CRB2: variants seen among roughly 807,000 people sequenced by gnomAD.
CRB2 encodes the protein protein crumbs homolog 2.
CRB2 carries 85 observed loss-of-function variants against 110.9 expected under a neutral mutation model. That is an observed-to-expected ratio of 0.77 (90% CI 0.64 to 0.92). The LOEUF is 0.92. CRB2 is among the 40% of genes least tolerant of loss of function. The probability of loss-of-function intolerance (pLI) is 0.00; values close to 1 mark genes in which losing one functional copy is unlikely to be tolerated. For synonymous variants in CRB2, 907 were observed against 831.0 expected, an observed-to-expected ratio of 1.09 and a Z score of -1.57; for missense variants, 1,843 against 1,851.3, an observed-to-expected ratio of 1.00 and a Z score of 0.08.
intron 8 of CRB2, 53 bp from the exon 9 acceptor site, chr9:123,372,124 T>C: frequency 3.2e-6 from 5 of 1,571,734 alleles, no homozygotes; most frequent in Non-Finnish European, 4.4e-6. Flanking sequence ...CCAGTTATGG[T>C]GGGTGATGCT....
chr9:123,370,034 G>C, intron 6 of CRB2, 74 bp from the exon 7 acceptor site: 3 of 1,486,158 alleles, frequency 2.0e-6, no homozygotes. Context: ...ATCATAAGAG[G>C]CATGTAAGTT....
At chr9:123,365,373 C>G (rs2041916717) in intron 2 of CRB2, among the ~76,000 whole-genome samples, 1 of 152,140 alleles carries the variant, frequency 6.6e-6, no homozygotes, top group South Asian at 2.1e-4. Flanking sequence ...TACCTGGTCC[C>G]CAAGGCACTG....
intron 1 of CRB2, among the ~76,000 whole-genome samples, chr9:123,362,249 G>A (rs1409926263): frequency 1.3e-5 from 2 of 152,098 alleles, no homozygotes; most frequent in South Asian, 2.1e-4. Flanking sequence ...GGTTGAGGTC[G>A]GGCCCATCTC....
chr9:123,359,430 GTTTTTGT>G lies in CRB2; in HGVS notation c.94+3080_94+3086del, dbSNP rs1357193721. Among the ~76,000 whole-genome samples, 797 of 97,056 alleles carry G rather than the reference GTTTTTGT, an allele frequency of 8.2e-3. 7 individuals carry two copies. Among genetic ancestry groups the G allele is most frequent in the Middle Eastern group, 0.025 (4 of 162 alleles). The allele number at this position is 97,056 out of a possible 152,430, so 63.7% of individuals were successfully genotyped here. ...CTTCTTTTTTTGTTTGTGGTTTTTC[GTTTTTGT>G]TTTGTTTTTTTTTTTTTTTTTTTTT... On this transcript the variant is annotated intron_variant, in intron 1 of 12. Coordinates refer to ENST00000373631, the MANE Select transcript of CRB2 (RefSeq NM_173689.7).
At position 123,367,600 on chromosome 9, in the gene CRB2, A is replaced by G. The variant is rs1389923294; in HGVS notation, c.968A>G (p.Glu323Gly). The change falls in exon 6 of 13, where the codon GAG (glutamate) becomes GGG (glycine). Residue 323 changes from glutamate to glycine, a missense_variant. Coordinates refer to ENST00000373631, the MANE Select transcript of CRB2 (RefSeq NM_173689.7). ...GCCGACTGCGGTGTGGAGGTGGACG[A>G]GTGTGCCTCACGGCCATGCCTCAAC... The part of the protein sequence containing the change: ...EGADCGVEVD[E>G]CASRPCLNGG... The G allele has an allele frequency of 1.3e-6, 2 of 1,563,024 alleles. No individual in the cohort carries two copies. Among genetic ancestry groups the G allele is most frequent in the East Asian group, 4.8e-5 (2 of 41,560 alleles).
chr9:123,371,612 G>C, intron 8 of CRB2, 34 bp downstream of exon 8: 2 of 1,607,466 alleles, frequency 1.2e-6, no homozygotes, highest in South Asian at 1.1e-5. Flanking sequence ...GTGGTGGGGT[G>C]GGGAGTCCTT....
Position 123,373,910 on chromosome 9 carries a change from CCGCG to C in CRB2, c.3381_3384del (p.Arg1128AlafsTer12). 6.5e-7 allele frequency: 1 copy of C among 1,549,430 alleles called. No homozygotes were observed. Among genetic ancestry groups the C allele is most frequent in the Non-Finnish European group, 8.7e-7 (1 of 1,147,926 alleles). On this transcript the variant is annotated frameshift_variant, in exon 10 of 13. Transcript: ENST00000373631. LOFTEE classifies it high-confidence loss of function. Reference sequence around the variant, plus strand: ...CCGCTGCCCGCCTGGCTTCGGGGGCCCGCGCTGCAGGTGGGATGGCTGGGCAGGG... The same window carrying C: ...CCGCTGCCCGCCTGGCTTCGGGGGCCCTGCAGGTGGGATGGCTGGGCAGGG...
At chr9:123,371,836 G>C (rs959447478) in intron 8 of CRB2, among the ~76,000 whole-genome samples, 1 of 152,152 alleles carries the variant, frequency 6.6e-6, no homozygotes, top group East Asian at 1.9e-4. Flanking sequence ...CACCCTGACC[G>C]AGATAGAGAG....
At chr9:123,366,961 A>AC (rs1491042000) in intron 4 of CRB2, among the ~76,000 whole-genome samples, 1 of 150,640 alleles carries the variant, frequency 6.6e-6, no homozygotes, top group Non-Finnish European at 1.5e-5. Context: ...AAAAAAAAAA[A>AC]ATTAGTAGTA....
At position 123,378,134 on chromosome 9, in the gene CRB2, T is replaced by C. The variant is rs1186624330; in HGVS notation, c.*1072T>C. 21 of 152,302 alleles carry C rather than the reference T, an allele frequency of 1.4e-4. No homozygotes were observed. The highest frequency in any genetic ancestry group is 1.4e-3 in the Admixed American group (21 of 15,280). The allele number at this position is 152,302 out of a possible 1,614,324, so 9.4% of individuals were successfully genotyped here. On this transcript the variant is annotated 3_prime_UTR_variant, in exon 13 of 13. Transcript: ENST00000373631. ...CTCTACACAGACTCGGCGAGAGGAC[T>C]TGAAGGAAGCCCTCTGGGTTGTCTG...
At chr9:123,359,441 GTTTT>G (rs375773781) in intron 1 of CRB2, among the ~76,000 whole-genome samples, 1 of 94,430 alleles carries the variant, frequency 1.1e-5, no homozygotes, top group South Asian at 3.7e-4. Flanking sequence ...TTTTTGTTTT[GTTTT>G]TTTTTTTTTT....
chr9:123,362,193 G>A (rs979900742), intron 1 of CRB2, among the ~76,000 whole-genome samples: 1 of 152,170 alleles, frequency 6.6e-6, no homozygotes, highest in African/African-American at 2.4e-5. Flanking sequence ...TGAGACCAGC[G>A]GAGCACACGA....
intron 1 of CRB2, among the ~76,000 whole-genome samples, chr9:123,361,132 C>CGGTGGGGGGGG (rs2041862674): frequency 1.5e-5 from 1 of 65,958 alleles, no homozygotes; most frequent in African/African-American, 4.4e-5. Flanking sequence ...ATTGGATGGG[C>CGGTGGGGGGGG]GGGGAGGGGG....
At chr9:123,369,969 G>A (rs967716166) in intron 6 of CRB2, 139 bp from the exon 7 acceptor site, 23 of 1,027,910 alleles carry the variant, frequency 2.2e-5, no homozygotes, top group African/African-American at 3.2e-5. Context: ...GGGACTTGAG[G>A]GGACCATGAG....
At chr9:123,372,117 G>GT (rs1328882144) in intron 8 of CRB2, 60 bp from the exon 9 acceptor site, 4 of 1,554,542 alleles carry the variant, frequency 2.6e-6, no homozygotes, top group East Asian at 2.2e-5. Flanking sequence ...TGCAATGCCA[G>GT]TTATGGTGGG....
rs748578889 is a variant in CRB2 at position 123,366,299 on chromosome 9, G to C, written c.687G>C (p.Ser229=). 2 of 1,523,224 alleles carry C rather than the reference G, an allele frequency of 1.3e-6. No individual in the cohort carries two copies. The highest frequency in any genetic ancestry group is 2.9e-5 in the African/African-American group (2 of 69,542). 94.4% of individuals were successfully genotyped at this position (1,523,224 alleles called of 1,614,324 possible). The change falls in exon 4 of 13, where the codon TCG becomes TCC. Residue 229 remains serine (S), a synonymous_variant. Transcript: ENST00000373631. The part of the protein sequence containing the change: ...HCEREVLECA[S]APCEHNASCL... ...AGCGGGAGGTGCTGGAGTGCGCATC[G>C]GCGCCCTGCGAGCACAACGCGTCCT...
chr9:123,373,182 G>GGC lies in CRB2; in HGVS notation c.2652_2653dup (p.His885ArgfsTer257), dbSNP rs1268145039. On this transcript the variant is annotated frameshift_variant, in exon 10 of 13. Transcript: ENST00000373631. LOFTEE classifies it high-confidence loss of function. ...GAGGGTCCCCCCGCCGCGTTCAGCGGGCACAACGCGTCGTCAGGGCGCTTG... is the reference window on the plus strand; with the variant it reads ...GAGGGTCCCCCCGCCGCGTTCAGCGGGCGCACAACGCGTCGTCAGGGCGCTTG... 1 of 1,515,216 alleles carries GGC rather than the reference G, an allele frequency of 6.6e-7. No homozygotes were observed. Among genetic ancestry groups the GGC allele is most frequent in the Non-Finnish European group, 8.8e-7 (1 of 1,138,036 alleles). 93.9% of individuals were successfully genotyped at this position (1,515,216 alleles called of 1,614,324 possible). A position where few individuals can be genotyped will look rare whatever the true frequency, so the allele number is the denominator to read the frequency against.
In CRB2 at chr9:123,376,871, C is replaced by T; in HGVS notation, c.3667C>T (p.Leu1223=). The T allele has an allele frequency of 6.2e-7, 1 of 1,609,810 alleles. No individual in the cohort carries two copies. The highest frequency in any genetic ancestry group is 8.5e-7 in the Non-Finnish European group (1 of 1,179,374). The change falls in exon 13 of 13, where the codon CTG becomes TTG. Residue 1223 remains leucine (L), a synonymous_variant. Transcript: ENST00000373631. ...GCCCCTGCCGCTGCCATTCCCACTG[C>T]TGGAGGTGGCCGTACCTGCAGCCTG... ...GLPLPLPFPL[L]EVAVPAACAC... is the part of the protein sequence containing the mutation.
At position 123,370,667 on chromosome 9, in the gene CRB2, G is replaced by T. The variant is rs762210359; in HGVS notation, c.1614G>T (p.Glu538Asp). 6.2e-7 allele frequency: 1 copy of T among 1,607,140 alleles called. No homozygotes were observed. The highest frequency in any genetic ancestry group is 1.1e-5 in the South Asian group (1 of 91,084). The change falls in exon 7 of 13, where the codon GAG (glutamate) becomes GAT (aspartate). Residue 538 changes from glutamate (E) to aspartate (D), a missense_variant. Transcript: ENST00000373631. ...CCCTGGAGCTACGGCTCTGGCATGA[G>T]GGCTGCCCTGCCCGGCTCTGTGTGG... Reference protein sequence around the residue: ...LATLELRLWHEGCPARLCVAS... With the variant: ...LATLELRLWHDGCPARLCVAS...
Sources: gnomAD v4.1 joint callset for allele counts (sites outside exome capture counted in the v4.1 genomes callset) on GRCh38, gnomAD v4.1.1 for gene constraint, MANE v1.5 for transcripts, NCBI Gene and HGNC (gene_info 2026-07-23, HGNC 2026-07-21) for gene names.